The following LRRIQ1 variants were observed in gnomAD, a reference collection of about 807,000 sequenced individuals.
LRRIQ1 encodes leucine-rich repeat- and IQ domain-containing protein 1.
LRRIQ1 carries 210 observed loss-of-function variants against 211.9 expected under a neutral mutation model. The ratio of observed to expected loss-of-function variants is 0.99; its 90% CI spans 0.89 to 1.11. LRRIQ1 has a LOEUF of 1.11. Ranked by LOEUF, LRRIQ1 falls within the 50% of genes most tolerant of loss-of-function variation. The pLI is 0.00. For synonymous variants in LRRIQ1, 699 were observed against 650.1 expected, an observed-to-expected ratio of 1.08 and a Z score of -1.14; for missense variants, 2,136 against 1,939.5, an observed-to-expected ratio of 1.10 and a Z score of -1.90.
intron 4 of LRRIQ1, among the ~76,000 whole-genome samples, chr12:85,045,793 A>G (rs755102795): frequency 2.6e-5 from 4 of 152,024 alleles, no homozygotes; most frequent in Non-Finnish European, 5.9e-5. Context: ...AAGACTTATT[A>G]GAGTTCCGAA....
At chr12:85,059,338 ACT>A (rs1881508232) in intron 8 of LRRIQ1, among the ~76,000 whole-genome samples, 1 of 151,992 alleles carries the variant, frequency 6.6e-6, no homozygotes, top group Non-Finnish European at 1.5e-5. Context: ...AAATAAAGAT[ACT>A]CCTCAAGTTA....
At chr12:85,116,570 T>C (rs1461299780) in intron 15 of LRRIQ1, among the ~76,000 whole-genome samples, 5 of 152,300 alleles carry the variant, frequency 3.3e-5, no homozygotes, top group South Asian at 2.1e-4. Flanking sequence ...TACTTTTATT[T>C]TAGGTTTTGG....
At chr12:85,103,050 A>G (rs1378043908) in intron 13 of LRRIQ1, among the ~76,000 whole-genome samples, 1 of 148,152 alleles carries the variant, frequency 6.7e-6, no homozygotes, top group Non-Finnish European at 1.5e-5. Flanking sequence ...TAATTTCCAA[A>G]TAGCTACAGG....
At chr12:85,146,136 CCTT>C (rs142385126) in intron 19 of LRRIQ1, among the ~76,000 whole-genome samples, 36,207 of 151,564 alleles carry the variant, frequency 0.24, 4,888 homozygotes, top group African/African-American at 0.34. Context: ...TAGCTGGACT[CCTT>C]CTTTTCCCTC....
At chr12:85,199,322 T>G (rs1367966282) in intron 24 of LRRIQ1, among the ~76,000 whole-genome samples, 1 of 152,110 alleles carries the variant, frequency 6.6e-6, no homozygotes, top group Non-Finnish European at 1.5e-5. Context: ...TTTCAATCTT[T>G]CGCATATAGG....
At chr12:85,236,203 T>G (rs1401841863) in intron 26 of LRRIQ1, among the ~76,000 whole-genome samples, 1 of 152,132 alleles carries the variant, frequency 6.6e-6, no homozygotes, top group African/African-American at 2.4e-5. Flanking sequence ...ACTTAGCAGT[T>G]AAAAATACAT....
chr12:85,174,058 G>C (rs142568323), intron 24 of LRRIQ1, among the ~76,000 whole-genome samples: 2 of 151,954 alleles, frequency 1.3e-5, no homozygotes, highest in Non-Finnish European at 2.9e-5. Flanking sequence ...AGCAAATGAC[G>C]ATCATTAAAC....
intron 1 of LRRIQ1, among the ~76,000 whole-genome samples, chr12:85,260,129 T>A (rs1419293099): frequency 3.5e-5 from 4 of 115,588 alleles, no homozygotes; most frequent in East Asian, 5.2e-4. Context: ...TCATGTTGGT[T>A]AAAAAAAAAA....
chr12:85,068,695 T>C (rs1013356855), intron 10 of LRRIQ1, among the ~76,000 whole-genome samples: 1 of 151,562 alleles, frequency 6.6e-6, no homozygotes, highest in Non-Finnish European at 1.5e-5. Context: ...TTTCTAAGTG[T>C]CTGGGTTTAT....
chr12:85,043,959 T>C (rs1378394816), intron 3 of LRRIQ1, among the ~76,000 whole-genome samples: 1 of 152,172 alleles, frequency 6.6e-6, no homozygotes, highest in African/African-American at 2.4e-5. Context: ...AATATATTTA[T>C]GGACATAAAC....
chr12:85,174,286 A>T (rs1349226348), intron 24 of LRRIQ1, among the ~76,000 whole-genome samples: 1 of 152,084 alleles, frequency 6.6e-6, no homozygotes, highest in African/African-American at 2.4e-5. Flanking sequence ...ACTTGGCAGA[A>T]GATATTGATA....
chr12:85,187,088 A>T (rs1211756403), intron 24 of LRRIQ1, among the ~76,000 whole-genome samples: 3 of 152,124 alleles, frequency 2.0e-5, no homozygotes, highest in Admixed American at 6.6e-5. Flanking sequence ...TATTATTATG[A>T]TAATGATATT....
At chr12:85,036,782 C>T (rs1878154989) in intron 1 of LRRIQ1, among the ~76,000 whole-genome samples, 1 of 151,062 alleles carries the variant, frequency 6.6e-6, no homozygotes, top group African/African-American at 2.4e-5. Flanking sequence ...TTATATGAAC[C>T]TTATAAAGTA....
At chr12:85,121,676 C>CTTTTTTT in intron 15 of LRRIQ1, 21 bp from the exon 16 acceptor site, 1 of 1,528,086 alleles carries the variant, frequency 6.5e-7, no homozygotes, top group East Asian at 2.3e-5. Flanking sequence ...GGATTATTAA[C>CTTTTTTT]TTTTTTGTTG....
chr12:85,217,826 G>A (rs927633851), intron 24 of LRRIQ1, among the ~76,000 whole-genome samples: 4 of 150,152 alleles, frequency 2.7e-5, no homozygotes, highest in African/African-American at 9.8e-5. Flanking sequence ...TATGTGTGTG[G>A]CAGTAATATT....
chr12:85,250,837 T>G (rs1447883274), intron 1 of LRRIQ1, among the ~76,000 whole-genome samples: 5 of 111,572 alleles, frequency 4.5e-5, no homozygotes, highest in Middle Eastern at 4.1e-3. Flanking sequence ...ATAGATTATA[T>G]ATTATATTAT....
intron 24 of LRRIQ1, among the ~76,000 whole-genome samples, chr12:85,165,500 T>A (rs1214401931): frequency 1.5e-5 from 2 of 136,746 alleles, no homozygotes; most frequent in Admixed American, 1.6e-4. Context: ...TGAGACAGAG[T>A]CTTGCTCTGT....
At position 85,085,181 on chromosome 12, in the gene LRRIQ1, C is replaced by T. The variant is rs148554727; in HGVS notation, c.2887+12083C>T. On this transcript the variant is annotated intron_variant, in intron 11 of 26. Transcript: ENST00000393217. ...GTCTGTTTTCACAGTGTGATAAATA[C>T]CCGAGACTGGGTAATTTATAAAGGG... Among the ~76,000 whole-genome samples, 350 of 151,998 alleles carry T rather than the reference C, an allele frequency of 2.3e-3. 1 individual carries two copies. The highest frequency in any genetic ancestry group is 3.5e-3 in the Non-Finnish European group (240 of 67,980).
At chr12:85,191,467 G>T (rs1892506619) in intron 24 of LRRIQ1, among the ~76,000 whole-genome samples, 1 of 151,874 alleles carries the variant, frequency 6.6e-6, no homozygotes, top group South Asian at 2.1e-4. Flanking sequence ...ATGCTTTTAA[G>T]GTTCCTCCAT....
Sources: allele counts gnomAD v4.1 joint callset (sites outside exome capture counted in the v4.1 genomes callset), GRCh38; gene constraint gnomAD v4.1.1; transcripts MANE v1.5; gene names NCBI Gene and HGNC (gene_info 2026-07-23, HGNC 2026-07-21).